Variants in PDE4D observed in about 807,000 individuals in gnomAD.
PDE4D encodes phosphodiesterase 4D, also known as 3',5'-cyclic-AMP phosphodiesterase 4D.
PDE4D carries 24 observed loss-of-function variants against 87.4 expected under a neutral mutation model. The ratio of observed to expected loss-of-function variants is 0.27; its 90% CI spans 0.20 to 0.39. PDE4D has a LOEUF of 0.39. Ranked by LOEUF, PDE4D falls within the 10% of genes least tolerant of loss-of-function variation. The probability of loss-of-function intolerance (pLI) is 1.00; values close to 1 mark genes in which losing one functional copy is unlikely to be tolerated. For synonymous variants in PDE4D, 384 were observed against 383.2 expected, an observed-to-expected ratio of 1.00 and a Z score of -0.02; for missense variants, 714 against 1,041.0, an observed-to-expected ratio of 0.69 and a Z score of 4.32.
At position 59,438,595 on chromosome 5, in the gene PDE4D, C is replaced by T. The variant is rs555206444; in HGVS notation, c.456-222627G>A. Among the ~76,000 whole-genome samples, 25 of 152,152 alleles carry T rather than the reference C, an allele frequency of 1.6e-4. No individual in the cohort carries two copies. The South Asian group carries it at 4.6e-3, about 28-fold the overall frequency. On this transcript the variant is annotated intron_variant, in intron 1 of 14. Transcript: ENST00000340635. ...GCCCTGGAATGATGATTAAATAGTG[C>T]CTCCTTTTACTTTTGCAATATTATT...
At chr5:60,247,916 T>G (rs1747981657) in intron 1 of PDE4D, among the ~76,000 whole-genome samples, 1 of 151,940 alleles carries the variant, frequency 6.6e-6, no homozygotes, top group African/African-American at 2.4e-5. Context: ...AACAAAACCT[T>G]TGACCCACAG....
At chr5:59,123,449 C>T (rs1377228604) in intron 5 of PDE4D, among the ~76,000 whole-genome samples, 4 of 152,072 alleles carry the variant, frequency 2.6e-5, no homozygotes, top group African/African-American at 7.2e-5. Context: ...CATAATCTGC[C>T]GTTTATACAT....
intron 1 of PDE4D, among the ~76,000 whole-genome samples, chr5:60,226,936 C>T (rs1583141687): frequency 1.3e-5 from 2 of 152,130 alleles, no homozygotes; most frequent in East Asian, 1.9e-4. Flanking sequence ...TCTAACCTCG[C>T]CATCCCAAAT....
At chr5:59,794,954 T>A (rs1412417793) in intron 1 of PDE4D, among the ~76,000 whole-genome samples, 1 of 152,128 alleles carries the variant, frequency 6.6e-6, no homozygotes, top group Non-Finnish European at 1.5e-5. Flanking sequence ...CTGCCTGAGT[T>A]CAGCCTTTGC....
At chr5:59,058,334 G>A (rs1762642009) in intron 5 of PDE4D, among the ~76,000 whole-genome samples, 1 of 152,102 alleles carries the variant, frequency 6.6e-6, no homozygotes, top group Non-Finnish European at 1.5e-5. Flanking sequence ...AAATCCCTAA[G>A]AGAGTGACTG....
intron 1 of PDE4D, among the ~76,000 whole-genome samples, chr5:59,644,725 A>C (rs1561392557): frequency 2.6e-5 from 4 of 152,216 alleles, no homozygotes. Flanking sequence ...CGTGTATTTT[A>C]ATCAATAAAA....
At chr5:60,038,927 T>C (rs1227919533) in intron 2 of PDE4D, among the ~76,000 whole-genome samples, 17 of 150,612 alleles carry the variant, frequency 1.1e-4, no homozygotes, top group Non-Finnish European at 2.4e-4. Flanking sequence ...CATTAAAAAG[T>C]CAGGAAACAA....
chr5:59,820,674 A>G lies in PDE4D; in HGVS notation c.455+72494T>C, dbSNP rs182435720. ...CATGCAGGAAAAGTCTTAATGGGAC[A>G]TTGCAGTTGTTTTGCAAAAAAATGA... On this transcript the variant is annotated intron_variant, in intron 1 of 14. Transcript: ENST00000340635. Among the ~76,000 whole-genome samples the G allele has an allele frequency of 1.2e-3, 176 of 152,352 alleles. 1 individual carries two copies. Among genetic ancestry groups the G allele is most frequent in the African/African-American group, 4.1e-3 (171 of 41,594 alleles).
chr5:59,146,198 A>AT (rs1778632875), intron 5 of PDE4D, among the ~76,000 whole-genome samples: 1 of 151,948 alleles, frequency 6.6e-6, no homozygotes, highest in Middle Eastern at 3.4e-3. Context: ...ACTAAAAAAA[A>AT]ATATACACAT....
At chr5:59,494,071 A>T (rs1806701539) in intron 1 of PDE4D, among the ~76,000 whole-genome samples, 1 of 152,210 alleles carries the variant, frequency 6.6e-6, no homozygotes, top group Non-Finnish European at 1.5e-5. Context: ...TTAAAATTAG[A>T]GAAATACTTC....
At chr5:59,270,556 G>A (rs1422169331) in intron 1 of PDE4D, among the ~76,000 whole-genome samples, 3 of 152,104 alleles carry the variant, frequency 2.0e-5, no homozygotes, top group African/African-American at 7.2e-5. Flanking sequence ...GACCTTATTT[G>A]CTACCAGTAG....
At chr5:59,180,266 A>C in intron 5 of PDE4D, 1 of 468,102 alleles carries the variant, frequency 2.1e-6, no homozygotes, top group Admixed American at 2.9e-5. Flanking sequence ...TGCTAATAAC[A>C]CATGTGTGGA....
At chr5:60,084,682 G>A (rs987670679) in intron 2 of PDE4D, among the ~76,000 whole-genome samples, 3 of 152,230 alleles carry the variant, frequency 2.0e-5, no homozygotes, top group Admixed American at 2.0e-4. Context: ...GTTTGTCACT[G>A]CAGGGCTAAT....
intron 2 of PDE4D, among the ~76,000 whole-genome samples, chr5:60,116,763 A>G (rs990383488): frequency 6.6e-6 from 1 of 152,116 alleles, no homozygotes; most frequent in Non-Finnish European, 1.5e-5. Context: ...CTCATTGCCC[A>G]TAGGAAATGA....
At chr5:59,867,324 A>G (rs898706467) in intron 1 of PDE4D, among the ~76,000 whole-genome samples, 5 of 152,128 alleles carry the variant, frequency 3.3e-5, no homozygotes, top group African/African-American at 1.2e-4. Context: ...AGAGATGAAC[A>G]TATTTTTCGA....
chr5:59,437,804 C>G (rs1385664717), intron 1 of PDE4D, among the ~76,000 whole-genome samples: 2 of 152,164 alleles, frequency 1.3e-5, no homozygotes, highest in Middle Eastern at 3.4e-3. Flanking sequence ...AAAAGTGGTA[C>G]AGCATCAGCG....
chr5:60,178,972 T>C lies in PDE4D; in HGVS notation c.42+6585A>G, dbSNP rs116542748. 4.1e-3 allele frequency among the ~76,000 whole-genome samples: 618 copies of C among 152,192 alleles called. 4 individuals carry two copies. Among genetic ancestry groups the C allele is most frequent in the African/African-American group, 0.014 (591 of 41,520 alleles). On this transcript the variant is annotated intron_variant, in intron 2 of 16. Transcript: ENST00000502484. ...GTGAGGGCTTAACAAATATCGTAGA[T>C]TGTATTAAATTCAGGATGTTGAGGG...
intron 1 of PDE4D, among the ~76,000 whole-genome samples, chr5:59,787,943 C>T (rs1473527433): frequency 6.6e-6 from 1 of 152,098 alleles, no homozygotes. Flanking sequence ...GGGAATGATG[C>T]TAATATATTG....
intron 1 of PDE4D, among the ~76,000 whole-genome samples, chr5:59,784,070 T>A (rs1266546514): frequency 6.6e-6 from 1 of 151,710 alleles, no homozygotes; most frequent in Non-Finnish European, 1.5e-5. Flanking sequence ...AATAAAAAAA[T>A]AAAAATAAAA....
Sources: gnomAD v4.1 joint callset for allele counts (sites outside exome capture counted in the v4.1 genomes callset) on GRCh38, gnomAD v4.1.1 for gene constraint, MANE v1.5 for transcripts, NCBI Gene and HGNC (gene_info 2026-07-23, HGNC 2026-07-21) for gene names.